LMO3: variants seen among roughly 807,000 people sequenced by gnomAD.
LMO3 encodes LIM domain only protein 3.
Under a neutral mutation model 15.8 loss-of-function variants are expected in LMO3, and 2 were observed. The observed-to-expected ratio is 0.13, with a 90% CI of 0.05 to 0.40. The LOEUF is 0.40. Among genes scored for constraint, LMO3 ranks in the 10% least tolerant of loss-of-function variants. The pLI, the probability that LMO3 is intolerant of heterozygous loss-of-function variation, is 0.99. For missense variants in LMO3, 86 were observed against 182.2 expected (o/e 0.47, Z 3.04); for synonymous variants, 62 against 63.8 (o/e 0.97, Z 0.13).
At position 16,587,924 on chromosome 12, in the gene LMO3, T is replaced by C. The variant is rs1943371506; in HGVS notation, c.206+12731A>G. On this transcript the variant is annotated intron_variant, in intron 2 of 3. Transcript: ENST00000537304. The surrounding 1 kb of genome is among the most constrained non-coding windows in gnomAD (Gnocchi z 4.3). Reference sequence around the variant, plus strand: ...CATTTCTCATGAAAGAAAACCTTGATTTAATTTTAAATGAACAAAACAAGG... The same window carrying C: ...CATTTCTCATGAAAGAAAACCTTGACTTAATTTTAAATGAACAAAACAAGG... 6.6e-6 allele frequency among the ~76,000 whole-genome samples: 1 copy of C among 152,150 alleles called. No homozygotes were observed. Among genetic ancestry groups the C allele is most frequent in the South Asian group, 2.1e-4 (1 of 4,830 alleles).
chr12:16,600,291 C>CAAAAAAAAAAAAAAA (rs35993210), intron 2 of LMO3: 8 of 69,674 alleles, frequency 1.1e-4, no homozygotes, highest in Admixed American at 1.8e-4. Context: ...CCTTAAGCTC[C>CAAAAAAAAAAAAAAA]AAAAAAAAAA....
rs572124727 is a variant in LMO3 at position 16,586,913 on chromosome 12, C to A, written c.206+13742G>T. 1.3e-5 allele frequency among the ~76,000 whole-genome samples: 2 copies of A among 152,132 alleles called. No homozygotes were observed. Among genetic ancestry groups the A allele is most frequent in the African/African-American group, 4.8e-5 (2 of 41,438 alleles). ...GTCTCATCTAAATTCATGGAATTCT[C>A]CCCTCTAATAATAGAGTCATGTGAT... On this transcript the variant is annotated intron_variant, in intron 2 of 3. Transcript: ENST00000537304. The surrounding 1 kb of genome is among the most constrained non-coding windows in gnomAD (Gnocchi z 4.3).
chr12:16,572,018 G>A (rs781260024), intron 2 of LMO3, among the ~76,000 whole-genome samples: 3 of 151,902 alleles, frequency 2.0e-5, no homozygotes, highest in Non-Finnish European at 4.4e-5. Context: ...AGCCATGAAA[G>A]CAATTATTTG....
intron 3 of LMO3, among the ~76,000 whole-genome samples, chr12:16,557,805 G>C (rs1218906387): frequency 6.6e-6 from 1 of 151,990 alleles, no homozygotes; most frequent in Non-Finnish European, 1.5e-5. Context: ...CAAATTCAGA[G>C]AGATTAAGTA....
At chr12:16,561,419 A>G (rs531922629) in intron 2 of LMO3, among the ~76,000 whole-genome samples, 1 of 152,282 alleles carries the variant, frequency 6.6e-6, no homozygotes, top group South Asian at 2.1e-4. Context: ...AGCAAACTAG[A>G]TGAAAAACAC....
intron 2 of LMO3, chr12:16,600,424 G>T: frequency 2.0e-6 from 1 of 488,666 alleles, no homozygotes; most frequent in Non-Finnish European, 3.7e-6. Context: ...CCAACTGCCT[G>T]AGTGTGCAGG....
At chr12:16,567,745 T>C (rs370984161) in intron 2 of LMO3, among the ~76,000 whole-genome samples, 47 of 152,172 alleles carry the variant, frequency 3.1e-4, no homozygotes, top group African/African-American at 1.1e-3. Flanking sequence ...AGAAGCTTCA[T>C]GTTTGGTAAG....
In LMO3 at chr12:16,576,276, T is replaced by G. The variant is rs1192406748; in HGVS notation, c.207-15738A>C. 1.3e-5 allele frequency among the ~76,000 whole-genome samples: 2 copies of G among 152,096 alleles called. No individual in the cohort carries two copies. The highest frequency in any genetic ancestry group is 2.9e-5 in the Non-Finnish European group (2 of 68,012). On this transcript the variant is annotated intron_variant, in intron 2 of 3. Transcript: ENST00000537304. This position sits in a 1 kb window ranked among gnomAD's most constrained non-coding sequence, Gnocchi z 4.1. Reference sequence around the variant, plus strand: ...GATAGATGCAGGGAAGCATGAAAGGTCCATCCTGTCTGTCTTCTTTTCTGT... The same window carrying G: ...GATAGATGCAGGGAAGCATGAAAGGGCCATCCTGTCTGTCTTCTTTTCTGT...
Position 16,600,744 on chromosome 12 carries a change from C to T in LMO3, c.117G>A (p.Lys39=). The T allele has an allele frequency of 6.2e-7, 1 of 1,614,194 alleles. No individual in the cohort carries two copies. Among genetic ancestry groups the T allele is most frequent in the South Asian group, 1.1e-5 (1 of 91,086 alleles). ...CCAAGCGACAGTCACAGCAGGCACACTTCAGGCAGTCTTCATGCCAGTATT... is the reference window on the plus strand; with the variant it reads ...CCAAGCGACAGTCACAGCAGGCACATTTCAGGCAGTCTTCATGCCAGTATT... ...LDKYWHEDCL[K]CACCDCRLGE... Residue 39 remains lysine, a synonymous_variant, in exon 2 of 4, where the codon AAG becomes AAA. Coordinates refer to ENST00000537304, the MANE Select transcript of LMO3 (RefSeq NM_018640.5).
Position 16,560,762 on chromosome 12 carries a change from A to G in LMO3, c.207-224T>C, listed in dbSNP as rs1208319446. The stretch of plus-strand genomic sequence containing the variant: ...CATCTTGTTTGAGAAGAAAAGGAAA[A>G]GACAAATACATTAGGAAGCTTACGT... On this transcript the variant is annotated intron_variant, in intron 2 of 3. Transcript: ENST00000537304. The surrounding 1 kb of genome is among the most constrained non-coding windows in gnomAD (Gnocchi z 5.0). The G allele has an allele frequency of 3.5e-6, 2 of 566,892 alleles. No individual in the cohort carries two copies. The highest frequency in any genetic ancestry group is 7.5e-5 in the East Asian group (2 of 26,802). The allele number at this position is 566,892 out of a possible 1,614,324, so 35.1% of individuals were successfully genotyped here. A position where few individuals can be genotyped will look rare whatever the true frequency, so the allele number is the denominator to read the frequency against.
At position 16,594,052 on chromosome 12, in the gene LMO3, G is replaced by A. The variant is rs1401482272; in HGVS notation, c.206+6603C>T. On this transcript the variant is annotated intron_variant, in intron 2 of 3. Coordinates refer to ENST00000537304, the MANE Select transcript of LMO3 (RefSeq NM_018640.5). ...TACATGTTAGACTGATTAATATCCT[G>A]TAAGAATAGATGAGTGCTATAGTTT... is the stretch of plus-strand genomic sequence containing the variant. The A allele has an allele frequency of 2.0e-5, 25 of 1,262,478 alleles. No homozygotes were observed. The East Asian group carries it at 6.3e-4, about 32-fold the overall frequency. 78.2% of individuals were successfully genotyped at this position (1,262,478 alleles called of 1,614,324 possible).
intron 1 of LMO3, chr12:16,605,194 C>A: frequency 7.5e-7 from 1 of 1,340,274 alleles, no homozygotes; most frequent in Non-Finnish European, 9.6e-7. Context: ...CCTAAAATCC[C>A]AGCGGCCCCT....
intron 2 of LMO3, among the ~76,000 whole-genome samples, chr12:16,574,621 TCA>T (rs1234575664): frequency 6.6e-6 from 1 of 152,208 alleles, no homozygotes; most frequent in Admixed American, 6.5e-5. Flanking sequence ...ATTTTAAATC[TCA>T]GTTTTCTTAC....
At chr12:16,594,766 A>G (rs1943597401) in intron 2 of LMO3, among the ~76,000 whole-genome samples, 1 of 151,672 alleles carries the variant, frequency 6.6e-6, no homozygotes, top group Admixed American at 6.6e-5. Context: ...CAATTTATAT[A>G]TTCATCAAAA....
chr12:16,563,177 G>C (rs980718854), intron 2 of LMO3, among the ~76,000 whole-genome samples: 1 of 152,112 alleles, frequency 6.6e-6, no homozygotes, highest in Admixed American at 6.6e-5. Flanking sequence ...TTACTGAACT[G>C]TCAGCTCACA....
intron 2 of LMO3, among the ~76,000 whole-genome samples, chr12:16,566,833 G>T (rs1942632435): frequency 6.6e-6 from 1 of 151,882 alleles, no homozygotes; most frequent in African/African-American, 2.4e-5. Flanking sequence ...CACATAATAG[G>T]CAGATACTAC....
intron 2 of LMO3, among the ~76,000 whole-genome samples, chr12:16,566,106 C>G (rs1224285224): frequency 7.1e-6 from 1 of 141,660 alleles, no homozygotes. Flanking sequence ...CTGGATGAAC[C>G]TGGAGGGCAT....
In LMO3 at chr12:16,606,105, G is replaced by C; in HGVS notation, c.-48C>G. 3.2e-6 allele frequency: 1 copy of C among 312,644 alleles called. No individual in the cohort carries two copies. The highest frequency in any genetic ancestry group is 5.9e-6 in the Non-Finnish European group (1 of 169,954). The allele number at this position is 312,644 out of a possible 1,614,324, so 19.4% of individuals were successfully genotyped here. On this transcript the variant is annotated 5_prime_UTR_variant, in exon 1 of 4. Transcript: ENST00000537304. Reference sequence around the variant, plus strand: ...GATACAGGGGGAGGCCGTTCAGTAAGCACAGTGGCTGCTTTGTAGCGCTTC... The same window carrying C: ...GATACAGGGGGAGGCCGTTCAGTAACCACAGTGGCTGCTTTGTAGCGCTTC...
In LMO3 at chr12:16,559,008, T is replaced by C. The variant is rs1942294465; in HGVS notation, c.332+1405A>G. ...AGCTAATATATGGTGGTGCTGAAAT[T>C]TGAATCCCGTTCTCACTAGAAATGT... On this transcript the variant is annotated intron_variant, in intron 3 of 3. Coordinates refer to ENST00000537304, the MANE Select transcript of LMO3 (RefSeq NM_018640.5). The surrounding 1 kb of genome is among the most constrained non-coding windows in gnomAD (Gnocchi z 4.1). Among the ~76,000 whole-genome samples, 1 of 152,148 alleles carries C rather than the reference T, an allele frequency of 6.6e-6. No individual in the cohort carries two copies. Among genetic ancestry groups the C allele is most frequent in the Admixed American group, 6.5e-5 (1 of 15,286 alleles).
Sources: gnomAD v4.1 joint callset for allele counts (sites outside exome capture counted in the v4.1 genomes callset) on GRCh38, gnomAD v4.1.1 for gene constraint, Gnocchi (gnomAD v3.1) non-coding constraint, MANE v1.5 for transcripts, NCBI Gene and HGNC (gene_info 2026-07-23, HGNC 2026-07-21) for gene names.